The following WAPL variants were observed in gnomAD, a reference collection of about 807,000 sequenced individuals.
WAPL encodes the protein wings apart-like protein homolog.
Under a neutral mutation model 121.0 loss-of-function variants are expected in WAPL, and 5 were observed. The observed-to-expected ratio is 0.04, with a 90% CI of 0.02 to 0.09. WAPL has a LOEUF of 0.09. Among genes scored for constraint, WAPL ranks in the 10% least tolerant of loss-of-function variants. WAPL has a pLI of 1.00. For missense variants in WAPL, 999 were observed against 1,410.8 expected (o/e 0.71, Z 4.68); for synonymous variants, 480 against 481.5 (o/e 1.00, Z 0.04).
chr10:86,452,048 A>C lies in WAPL; in HGVS notation c.3033T>G (p.Phe1011Leu), dbSNP rs756287432. Residue 1011 changes from phenylalanine (F) to leucine (L), a missense_variant, in exon 15 of 19, where the codon TTT becomes TTG. Physicochemically the swap from Phe to Leu is conservative, Grantham distance 22. Transcript: ENST00000298767. ...CTTCTCCACTACAGATGGAAGAATCAAAAGAGCACGATGTTTCCATGTTGA... is the reference window on the plus strand; with the variant it reads ...CTTCTCCACTACAGATGGAAGAATCCAAAGAGCACGATGTTTCCATGTTGA... ...CLVNMETSCS[F>L]DSSICSGEGD... 6.2e-6 allele frequency: 10 copies of C among 1,614,196 alleles called. No individual in the cohort carries two copies. The highest frequency in any genetic ancestry group is 7.6e-6 in the Non-Finnish European group (9 of 1,180,030).
At chr10:86,497,512 C>T (rs1842171306) in intron 3 of WAPL, among the ~76,000 whole-genome samples, 193 bp from the exon 4 acceptor site, 1 of 152,108 alleles carries the variant, frequency 6.6e-6, no homozygotes. Context: ...CCTGCTTGTC[C>T]CTCCCGCAAG....
intron 3 of WAPL, among the ~76,000 whole-genome samples, 180 bp downstream of exon 3, chr10:86,499,538 G>C (rs367923762): frequency 6.6e-6 from 1 of 152,104 alleles, no homozygotes; most frequent in Admixed American, 6.6e-5. Flanking sequence ...ACTAAGAATA[G>C]AACAATGATT....
intron 2 of WAPL, among the ~76,000 whole-genome samples, chr10:86,510,844 G>C (rs1349210065): frequency 6.6e-6 from 1 of 151,822 alleles, no homozygotes; most frequent in African/African-American, 2.4e-5. Flanking sequence ...TTCTTGTTTT[G>C]TTTTGTTTTT....
rs1841567623 is a variant in WAPL at position 86,472,977 on chromosome 10, A to G, written c.1741-213T>C. ...ATATCTGCACACAGAAGAACCACTC[A>G]AGGATTTCTTCTGGTCTTTTTTAAA... On this transcript the variant is annotated intron_variant, in intron 5 of 18. Coordinates refer to ENST00000298767, the MANE Select transcript of WAPL (RefSeq NM_015045.5). This position sits in a 1 kb window ranked among gnomAD's most constrained non-coding sequence, Gnocchi z 4.2. Among the ~76,000 whole-genome samples the G allele has an allele frequency of 6.6e-6, 1 of 152,196 alleles. No individual in the cohort carries two copies. The highest frequency in any genetic ancestry group is 2.4e-5 in the African/African-American group (1 of 41,464).
In WAPL at chr10:86,461,356, C is replaced by CA. The variant is rs1470796540; in HGVS notation, c.2371-70dup. On this transcript the variant is annotated intron_variant, in intron 9 of 18. Coordinates refer to ENST00000298767, the MANE Select transcript of WAPL (RefSeq NM_015045.5). ...TAACTCTAGAAATTGTTTCTCTTTA[C>CA]AAAAATTTACTGCATGCTACATGTA... 5 of 1,229,352 alleles carry CA rather than the reference C, an allele frequency of 4.1e-6. No homozygotes were observed. In the Admixed American group the frequency reaches 9.8e-5, roughly 24 times the overall value. 76.2% of individuals were successfully genotyped at this position (1,229,352 alleles called of 1,614,324 possible).
At chr10:86,491,632 A>G (rs1268321681) in intron 4 of WAPL, among the ~76,000 whole-genome samples, 5 of 152,098 alleles carry the variant, frequency 3.3e-5, no homozygotes, top group African/African-American at 1.2e-4. Flanking sequence ...CTTATTGTAC[A>G]GAAGGCAAGG....
At chr10:86,496,166 T>C (rs1842145686) in intron 4 of WAPL, among the ~76,000 whole-genome samples, 1 of 152,024 alleles carries the variant, frequency 6.6e-6, no homozygotes, top group Non-Finnish European at 1.5e-5. Flanking sequence ...TCTTCAAAGA[T>C]ACAAAAATAG....
intron 2 of WAPL, among the ~76,000 whole-genome samples, chr10:86,512,361 G>C (rs991304891): frequency 5.9e-5 from 9 of 152,230 alleles, no homozygotes; most frequent in South Asian, 2.1e-4. Flanking sequence ...TATTTGGCAG[G>C]ATATGTAGAC....
At position 86,474,677 on chromosome 10, in the gene WAPL, G is replaced by A. The variant is rs920980360; in HGVS notation, c.1645-704C>T. ...CCAGGAGTTCAAGACCAACCTGGGT[G>A]AGCCCCAGAGTTCAAGACCAACCTG... On this transcript the variant is annotated intron_variant, in intron 4 of 18. Coordinates refer to ENST00000298767, the MANE Select transcript of WAPL (RefSeq NM_015045.5). Among the ~76,000 whole-genome samples, 3 of 152,054 alleles carry A rather than the reference G, an allele frequency of 2.0e-5. No homozygotes were observed. In the East Asian group the frequency reaches 5.8e-4, roughly 29 times the overall value.
intron 4 of WAPL, among the ~76,000 whole-genome samples, chr10:86,475,406 C>T (rs923135329): frequency 6.6e-6 from 1 of 152,074 alleles, no homozygotes; most frequent in Non-Finnish European, 1.5e-5. Context: ...ACTTCAAGAC[C>T]GTCAAAAAAT....
intron 2 of WAPL, among the ~76,000 whole-genome samples, chr10:86,510,028 C>G (rs1162795653): frequency 1.4e-5 from 2 of 146,630 alleles, no homozygotes; most frequent in South Asian, 2.1e-4. Context: ...CCTTCCAAAC[C>G]GAAGTGCTGG....
intron 17 of WAPL, among the ~76,000 whole-genome samples, chr10:86,441,131 A>G (rs1157869887): frequency 6.6e-6 from 1 of 152,134 alleles, no homozygotes; most frequent in East Asian, 1.9e-4. Flanking sequence ...TTGCTCCTAG[A>G]AAACAATCTG....
intron 3 of WAPL, 67 bp downstream of exon 3, chr10:86,499,651 A>T (rs1842208877): frequency 1.3e-6 from 2 of 1,492,488 alleles, no homozygotes; most frequent in Admixed American, 4.7e-5. Context: ...AATTGAAACC[A>T]CAGAAAGTGA....
chr10:86,506,824 T>A (rs1247161744), intron 2 of WAPL, among the ~76,000 whole-genome samples: 1 of 151,888 alleles, frequency 6.6e-6, no homozygotes, highest in East Asian at 1.9e-4. Context: ...GGGTTCATTC[T>A]TTCTACCACT....
chr10:86,463,800 T>C (rs1254967979), intron 9 of WAPL, among the ~76,000 whole-genome samples: 2 of 152,226 alleles, frequency 1.3e-5, no homozygotes, highest in African/African-American at 4.8e-5. Context: ...TTTTATACCA[T>C]ATTTTTACTG....
intron 2 of WAPL, among the ~76,000 whole-genome samples, chr10:86,505,286 C>CACA (rs1842325037): frequency 7.8e-6 from 1 of 128,136 alleles, no homozygotes; most frequent in Admixed American, 8.1e-5. Context: ...AAGCTTCAGC[C>CACA]ACAGTGCCCA....
At chr10:86,453,505 C>T (rs1841051824) in intron 13 of WAPL, 151 bp downstream of exon 13, 3 of 1,198,620 alleles carry the variant, frequency 2.5e-6, no homozygotes, top group East Asian at 2.5e-5. Context: ...AATATCAACT[C>T]TTAAAAGCAA....
chr10:86,498,491 G>A (rs1425063522), intron 3 of WAPL, among the ~76,000 whole-genome samples: 1 of 151,960 alleles, frequency 6.6e-6, no homozygotes, highest in Admixed American at 6.6e-5. Flanking sequence ...CTATTTTCAG[G>A]CCAAATAAAG....
intron 12 of WAPL, among the ~76,000 whole-genome samples, chr10:86,456,859 C>T (rs1156620977): frequency 6.6e-6 from 1 of 152,130 alleles, no homozygotes. Flanking sequence ...ATGCTATCTC[C>T]GAATTGATCA....
Sources: gnomAD v4.1 joint callset for allele counts (sites outside exome capture counted in the v4.1 genomes callset) on GRCh38, gnomAD v4.1.1 for gene constraint, Gnocchi (gnomAD v3.1) non-coding constraint, MANE v1.5 for transcripts, NCBI Gene and HGNC (gene_info 2026-07-23, HGNC 2026-07-21) for gene names.